Variants in PVT1 observed in about 807,000 individuals in gnomAD.
PVT1 encodes Pvt1 oncogene.
At chr8:127,835,474 A>G (rs2129705760) in intron 2 of PVT1, among the ~76,000 whole-genome samples, 1 of 152,214 alleles carries the variant, frequency 6.6e-6, no homozygotes, top group Admixed American at 6.5e-5. Context: ...GAGGGATGGC[A>G]TTAGGAGAAA....
At chr8:128,080,514 T>TGA (rs1288340329) in intron 5 of PVT1, among the ~76,000 whole-genome samples, 3 of 152,340 alleles carry the variant, frequency 2.0e-5, no homozygotes, top group African/African-American at 7.2e-5. Context: ...CCTTCTTCGA[T>TGA]GAGATGCCTG....
At chr8:128,062,177 C>G (rs1388632146) in intron 4 of PVT1, among the ~76,000 whole-genome samples, 1 of 152,242 alleles carries the variant, frequency 6.6e-6, no homozygotes, top group East Asian at 1.9e-4. Context: ...ACTTGGAGGG[C>G]TGCCCCCTGC....
At chr8:127,802,103 T>G (rs921713446) in intron 2 of PVT1, among the ~76,000 whole-genome samples, 5 of 151,968 alleles carry the variant, frequency 3.3e-5, no homozygotes. Context: ...TTAGTAGATA[T>G]GGGGTTTCAC....
intron 3 of PVT1, among the ~76,000 whole-genome samples, chr8:127,955,285 C>G (rs1816555007): frequency 6.6e-6 from 1 of 152,180 alleles, no homozygotes; most frequent in Admixed American, 6.5e-5. Context: ...AGACACCCAA[C>G]TGCCAACACC....
chr8:127,974,766 T>C (rs1285381200), intron 3 of PVT1, among the ~76,000 whole-genome samples: 1 of 152,222 alleles, frequency 6.6e-6, no homozygotes, highest in African/African-American at 2.4e-5. Context: ...TTCCAAAGAA[T>C]AGATACGGGT....
intron 2 of PVT1, among the ~76,000 whole-genome samples, chr8:127,880,596 C>CTTT (rs35252729): frequency 2.8e-5 from 3 of 108,068 alleles, no homozygotes; most frequent in African/African-American, 3.5e-5. Flanking sequence ...GCCCCCGGCC[C>CTTT]TTTTTTTTTT....
chr8:127,970,072 G>A (rs1224190063), intron 3 of PVT1, among the ~76,000 whole-genome samples: 1 of 152,130 alleles, frequency 6.6e-6, no homozygotes, highest in East Asian at 1.9e-4. Context: ...CCTGGAGCAA[G>A]TATGCCCAAC....
chr8:127,845,677 C>T (rs370850125), intron 2 of PVT1, among the ~76,000 whole-genome samples: 109 of 152,230 alleles, frequency 7.2e-4, no homozygotes, highest in African/African-American at 2.4e-3. Flanking sequence ...TTCTGGAAGC[C>T]GGCAGGGGCA....
intron 3 of PVT1, among the ~76,000 whole-genome samples, chr8:127,913,656 G>A (rs1366364796): frequency 1.3e-5 from 2 of 152,066 alleles, no homozygotes; most frequent in Admixed American, 1.3e-4. Context: ...GCCTCTCCCC[G>A]ACTGTGCACA....
At chr8:127,923,043 C>T (rs1441357905) in intron 3 of PVT1, among the ~76,000 whole-genome samples, 1 of 152,186 alleles carries the variant, frequency 6.6e-6, no homozygotes, top group East Asian at 1.9e-4. Flanking sequence ...TACTGTATAT[C>T]TCGTTTGTAT....
chr8:127,882,443 A>T (rs904687661), intron 2 of PVT1, among the ~76,000 whole-genome samples: 1 of 152,128 alleles, frequency 6.6e-6, no homozygotes, highest in African/African-American at 2.4e-5. Context: ...CCTCAGAAGA[A>T]GATAAAGGAG....
chr8:127,938,505 T>C (rs1816306541), intron 3 of PVT1, among the ~76,000 whole-genome samples: 1 of 152,234 alleles, frequency 6.6e-6, no homozygotes, highest in African/African-American at 2.4e-5. Flanking sequence ...ACCCTGGGGC[T>C]GTATCCTGTG....
intron 4 of PVT1, among the ~76,000 whole-genome samples, chr8:128,069,865 T>G (rs1307698624): frequency 6.6e-6 from 1 of 152,156 alleles, no homozygotes; most frequent in Non-Finnish European, 1.5e-5. Flanking sequence ...ATGCCTTCTT[T>G]GTTCATTGTC....
intron 2 of PVT1, among the ~76,000 whole-genome samples, chr8:127,867,209 A>G (rs529586815): frequency 4.1e-4 from 62 of 152,346 alleles, no homozygotes; most frequent in Non-Finnish European, 7.9e-4. Flanking sequence ...GGCCTCAGCC[A>G]AGGTCAGGCT....
chr8:127,962,638 C>T (rs1438390441), intron 3 of PVT1, among the ~76,000 whole-genome samples: 8 of 152,038 alleles, frequency 5.3e-5, no homozygotes, highest in Admixed American at 2.6e-4. Flanking sequence ...GATTTGTTGA[C>T]GAGGCTGGAG....
At chr8:127,807,113 G>A (rs1814536755) in intron 2 of PVT1, among the ~76,000 whole-genome samples, 1 of 152,154 alleles carries the variant, frequency 6.6e-6, no homozygotes, top group South Asian at 2.1e-4. Context: ...TAGTGAAATT[G>A]GAAACATGTG....
intron 4 of PVT1, among the ~76,000 whole-genome samples, chr8:128,028,496 C>T (rs1813347361): frequency 6.6e-6 from 1 of 152,222 alleles, no homozygotes; most frequent in African/African-American, 2.4e-5. Flanking sequence ...TGGCTGGGTT[C>T]TGAGCTCTCT....
rs1416855032 is a variant in PVT1 at position 127,898,226 on chromosome 8, A to C, written n.782+7228A>C. Among the ~76,000 whole-genome samples the C allele has an allele frequency of 7.2e-6, 1 of 138,760 alleles. No individual in the cohort carries two copies. Among genetic ancestry groups the C allele is most frequent in the Non-Finnish European group, 1.5e-5 (1 of 66,372 alleles). The allele number at this position is 138,760 out of a possible 152,430, so 91.0% of individuals were successfully genotyped here. On this transcript the variant is annotated intron_variant and non_coding_transcript_variant, in intron 3 of 10. Coordinates refer to ENST00000651587, the Ensembl canonical transcript of PVT1. This position sits in a 1 kb window ranked among gnomAD's most constrained non-coding sequence, Gnocchi z 4.4. The stretch of plus-strand genomic sequence containing the variant: ...AGAAAGAAGAGAAAAGAAAGAAAAG[A>C]AAGAAAGAAAGAAAGAAACGAAGGA...
At chr8:127,993,504 C>CG (rs1290987588) in intron 4 of PVT1, among the ~76,000 whole-genome samples, 13 of 152,304 alleles carry the variant, frequency 8.5e-5, no homozygotes, top group African/African-American at 3.1e-4. Flanking sequence ...ATCCTCTCTC[C>CG]GGGGGGATTT....
Sources: gnomAD v4.1 joint callset for allele counts (sites outside exome capture counted in the v4.1 genomes callset) on GRCh38, gnomAD v4.1.1 for gene constraint, Gnocchi (gnomAD v3.1) non-coding constraint, MANE v1.5 for transcripts, NCBI Gene and HGNC (gene_info 2026-07-23, HGNC 2026-07-21) for gene names.